PARP11: variants seen among roughly 807,000 people sequenced by gnomAD.
PARP11 encodes the protein protein mono-ADP-ribosyltransferase PARP11.
Under a neutral mutation model 42.9 loss-of-function variants are expected in PARP11, and 31 were observed. That is an observed-to-expected ratio of 0.72 (90% CI 0.54 to 0.98). PARP11 has a LOEUF of 0.98. Among genes scored for constraint, PARP11 ranks in the 50% least tolerant of loss-of-function variants. The probability of loss-of-function intolerance (pLI) is 0.00; values close to 1 mark genes in which losing one functional copy is unlikely to be tolerated. For missense variants in PARP11, 365 were observed against 413.1 expected (o/e 0.88, Z 1.01); for synonymous variants, 137 against 127.3 (o/e 1.08, Z -0.51).
chr12:3,862,378 G>A (rs1002723715), intron 1 of PARP11, among the ~76,000 whole-genome samples: 6 of 152,032 alleles, frequency 3.9e-5, no homozygotes, highest in African/African-American at 1.4e-4. Context: ...TTGAGCCCAG[G>A]AGTTCAATGT....
intron 7 of PARP11, among the ~76,000 whole-genome samples, chr12:3,812,857 C>T (rs1947212253): frequency 6.6e-6 from 1 of 152,164 alleles, no homozygotes; most frequent in African/African-American, 2.4e-5. Flanking sequence ...AGCTGGAGTG[C>T]AGTGGCGCGA....
rs1011456596 is a variant in PARP11 at position 3,855,877 on chromosome 12, T to C, written c.18+17335A>G. On this transcript the variant is annotated intron_variant, in intron 1 of 7. Coordinates refer to ENST00000228820, the MANE Select transcript of PARP11 (RefSeq NM_020367.6). ...CATCATGCTACCTGATTTCAAACTA[T>C]ACTAAAAGGCTACAGTAACCAAAAC... Among the ~76,000 whole-genome samples, 3 of 152,116 alleles carry C rather than the reference T, an allele frequency of 2.0e-5. No individual in the cohort carries two copies. In the East Asian group the frequency reaches 5.8e-4, roughly 29 times the overall value.
At chr12:3,838,775 C>G (rs1011652714) in intron 1 of PARP11, among the ~76,000 whole-genome samples, 1 of 152,358 alleles carries the variant, frequency 6.6e-6, no homozygotes, top group African/African-American at 2.4e-5. Context: ...GCCCCTCCGG[C>G]GCCCTCCAGC....
chr12:3,814,158 A>T lies in PARP11; in HGVS notation c.579T>A (p.Gly193=), dbSNP rs1947236589. 3 of 1,604,130 alleles carry T rather than the reference A, an allele frequency of 1.9e-6. No homozygotes were observed. In the East Asian group the frequency reaches 6.7e-5, roughly 36 times the overall value. The change falls in exon 7 of 8, where the codon GGT becomes GGA. Residue 193 remains glycine (G), a synonymous_variant. Coordinates refer to ENST00000228820, the MANE Select transcript of PARP11 (RefSeq NM_020367.6). ...GCATTTGTTCATTAATCTGAGGCAC[A>T]CCTCTTTTTTTCTTGAGCTGAGCCT... ...RKKAQLKKKR[G]VPQINEQMLF...
At chr12:3,862,964 A>G (rs1948324476) in intron 1 of PARP11, among the ~76,000 whole-genome samples, 4 of 152,242 alleles carry the variant, frequency 2.6e-5, no homozygotes. Context: ...TGTCTGGAGA[A>G]AATTGGCATC....
intron 6 of PARP11, among the ~76,000 whole-genome samples, chr12:3,820,223 G>A (rs137953102): frequency 2.6e-3 from 402 of 152,330 alleles, no homozygotes; most frequent in Non-Finnish European, 4.2e-3. Flanking sequence ...GTTAGAAGAA[G>A]TGGGGAAAGT....
At chr12:3,819,082 C>T (rs531908385) in intron 6 of PARP11, among the ~76,000 whole-genome samples, 24 of 152,348 alleles carry the variant, frequency 1.6e-4, no homozygotes, top group Non-Finnish European at 4.4e-5. Context: ...TGTATATCAA[C>T]TAATACTCCC....
intron 1 of PARP11, chr12:3,842,172 A>G (rs1265921182): frequency 6.2e-7 from 1 of 1,611,692 alleles, no homozygotes; most frequent in Admixed American, 1.7e-5. Context: ...AGATCCTAAG[A>G]CTGCTGCTGA....
At chr12:3,813,722 C>T (rs1255081540) in intron 7 of PARP11, among the ~76,000 whole-genome samples, 1 of 152,182 alleles carries the variant, frequency 6.6e-6, no homozygotes, top group Non-Finnish European at 1.5e-5. Context: ...ACCTTTTCCC[C>T]TCACCTCTCT....
At position 3,873,340 on chromosome 12, in the gene PARP11, G is replaced by A. The variant is rs1332840426; in HGVS notation, c.-111C>T. 3.8e-6 allele frequency: 4 copies of A among 1,041,146 alleles called. No individual in the cohort carries two copies. Among genetic ancestry groups the A allele is most frequent in the East Asian group, 2.6e-5 (1 of 38,550 alleles). 64.5% of individuals were successfully genotyped at this position (1,041,146 alleles called of 1,614,324 possible). On this transcript the variant is annotated 5_prime_UTR_variant, in exon 1 of 8. Coordinates refer to ENST00000228820, the MANE Select transcript of PARP11 (RefSeq NM_020367.6). ...TCCCCGGGAGCGAAGGGACGGAGAT[G>A]CAACCTTTACGAAGGCCTTCCTCCT...
rs1023121105 is a variant in PARP11, at chr12:3,814,290, GA to G, written c.549-103del. ...AGGTTCAATAGAAAGCGTAAAACAG[GA>G]AATACTTTAATATAAATAACAAGTG... On this transcript the variant is annotated intron_variant, in intron 6 of 7. Coordinates refer to ENST00000228820, the MANE Select transcript of PARP11 (RefSeq NM_020367.6). 3 of 853,102 alleles carry G rather than the reference GA, an allele frequency of 3.5e-6. No homozygotes were observed. The African/African-American group carries it at 5.2e-5, about 15-fold the overall frequency. 52.8% of individuals were successfully genotyped at this position (853,102 alleles called of 1,614,324 possible). A position where few individuals can be genotyped will look rare whatever the true frequency, so the allele number is the denominator to read the frequency against.
At chr12:3,820,839 T>C (rs78005342) in intron 6 of PARP11, among the ~76,000 whole-genome samples, 113 of 152,252 alleles carry the variant, frequency 7.4e-4, no homozygotes, top group African/African-American at 2.6e-3. Context: ...CCCAAGACTA[T>C]AAAGAACACA....
rs749243412 is a variant in PARP11, at chr12:3,811,616, G to A, written c.*507C>T. ...TGATTTCTCTCAAGGTGCTCAGACT[G>A]TTTCAGAGTTTTAAATCCCCCCTTC... On this transcript the variant is annotated 3_prime_UTR_variant, in exon 8 of 8. Coordinates refer to ENST00000228820, the MANE Select transcript of PARP11 (RefSeq NM_020367.6). The A allele has an allele frequency of 6.6e-6, 1 of 152,504 alleles. No individual in the cohort carries two copies. The highest frequency in any genetic ancestry group is 1.5e-5 in the Non-Finnish European group (1 of 68,290). 9.4% of individuals were successfully genotyped at this position (152,504 alleles called of 1,614,324 possible).
At position 3,840,724 on chromosome 12, in the gene PARP11, C is replaced by T; in HGVS notation, c.19-10706G>A. On this transcript the variant is annotated intron_variant, in intron 1 of 7. Transcript: ENST00000228820. The surrounding 1 kb of genome is among the most constrained non-coding windows in gnomAD (Gnocchi z 4.4). Reference sequence around the variant, plus strand: ...ATACAGAAGAACGAAAAGACAAAGACTCTATTCATGGACATAGTTGGATAA... The same window carrying T: ...ATACAGAAGAACGAAAAGACAAAGATTCTATTCATGGACATAGTTGGATAA... 2 of 1,279,038 alleles carry T rather than the reference C, an allele frequency of 1.6e-6. No homozygotes were observed. The highest frequency in any genetic ancestry group is 2.3e-6 in the Non-Finnish European group (2 of 874,248). 79.2% of individuals were successfully genotyped at this position (1,279,038 alleles called of 1,614,324 possible).
chr12:3,846,934 A>G (rs970092665), intron 1 of PARP11, among the ~76,000 whole-genome samples: 1 of 151,780 alleles, frequency 6.6e-6, no homozygotes, highest in Admixed American at 6.6e-5. Context: ...AAAATTTAAA[A>G]ATTAGCTGGG....
At chr12:3,837,913 T>A (rs184639012) in intron 1 of PARP11, among the ~76,000 whole-genome samples, 1 of 151,842 alleles carries the variant, frequency 6.6e-6, no homozygotes, top group East Asian at 1.9e-4. Context: ...TAATTATAAA[T>A]ATCTATGCAC....
In PARP11 at chr12:3,809,084, T is replaced by C. The variant is rs1947123075; in HGVS notation, c.*3039A>G. On this transcript the variant is annotated 3_prime_UTR_variant, in exon 8 of 8. Transcript: ENST00000228820. ...AAAGAAAAGTCATTATCAGCTGGAA[T>C]GTATTCAATATAGAGTTTTAAAAAC... 6.6e-6 allele frequency: 1 copy of C among 152,176 alleles called. No homozygotes were observed. The highest frequency in any genetic ancestry group is 1.5e-5 in the Non-Finnish European group (1 of 68,036). 9.4% of individuals were successfully genotyped at this position (152,176 alleles called of 1,614,324 possible).
chr12:3,818,263 C>T (rs1366342782), intron 6 of PARP11, among the ~76,000 whole-genome samples: 3 of 152,194 alleles, frequency 2.0e-5, no homozygotes, highest in Non-Finnish European at 2.9e-5. Context: ...ACACTTCATT[C>T]GCTGTAGGTG....
intron 6 of PARP11, among the ~76,000 whole-genome samples, chr12:3,814,797 G>C (rs1229723880): frequency 7.0e-6 from 1 of 143,076 alleles, no homozygotes; most frequent in African/African-American, 2.7e-5. Flanking sequence ...AATGAATATA[G>C]TCATGTATTT....
Sources: gnomAD v4.1 joint callset for allele counts (sites outside exome capture counted in the v4.1 genomes callset) on GRCh38, gnomAD v4.1.1 for gene constraint, Gnocchi (gnomAD v3.1) non-coding constraint, MANE v1.5 for transcripts, NCBI Gene and HGNC (gene_info 2026-07-23, HGNC 2026-07-21) for gene names.